DOCK11: variants seen among roughly 807,000 people sequenced by gnomAD.
The protein encoded by DOCK11 is dedicator of cytokinesis 11, also known as dedicator of cytokinesis protein 11.
In DOCK11, 70 loss-of-function variants were observed where a neutral mutation model predicts 169.1. The ratio of observed to expected loss-of-function variants is 0.41; its 90% CI spans 0.34 to 0.51. DOCK11 has a LOEUF of 0.51. DOCK11 is among the 20% of genes least tolerant of loss of function. The pLI is 0.10. For missense variants in DOCK11, 1,166 were observed against 1,538.8 expected (o/e 0.76, Z 4.05); for synonymous variants, 529 against 541.3 (o/e 0.98, Z 0.32).
At chrX:118,545,278 T>A in intron 4 of DOCK11, 45 bp from the exon 5 acceptor site, 1 of 937,244 alleles carries the variant, frequency 1.1e-6, no homozygotes. Flanking sequence ...TTTCTTTTTT[T>A]TTTTGGTCTT....
rs766142611 is a variant in DOCK11, at chrX:118,573,855, G to A, written c.1226G>A (p.Cys409Tyr). The A allele has an allele frequency of 7.4e-6, 9 of 1,208,902 alleles. No homozygotes were observed. The South Asian group carries it at 1.4e-4, about 19-fold the overall frequency. ...NLALFDVKNNCKISADFHVDL... is the reference protein window; with the variant it reads ...NLALFDVKNNYKISADFHVDL... ...GCCTTATTTGATGTAAAGAACAATT[G>A]TAAGATTTCAGCAGACTTTCATGTA... is the stretch of plus-strand genomic sequence containing the variant. The change falls in exon 12 of 53, where the codon TGT becomes TAT. Residue 409 changes from cysteine (C) to tyrosine (Y), a missense_variant. Physicochemically the swap from Cys to Tyr is radical, Grantham distance 194. Coordinates refer to ENST00000276202, the MANE Select transcript of DOCK11 (RefSeq NM_144658.4).
intron 16 of DOCK11, among the ~76,000 whole-genome samples, chrX:118,586,409 A>C (rs954216202): frequency 1.8e-5 from 2 of 110,968 alleles, no homozygotes; most frequent in African/African-American, 6.6e-5. Flanking sequence ...ATAAATAGTG[A>C]ATGAAAGAGG....
At chrX:118,544,923 T>C (rs1317345602) in intron 4 of DOCK11, among the ~76,000 whole-genome samples, 2 of 107,839 alleles carry the variant, frequency 1.9e-5, no homozygotes, top group Non-Finnish European at 3.8e-5. Flanking sequence ...CACCCGCCTC[T>C]GCCTCCCAAA....
At chrX:118,515,518 C>T (rs909367347) in intron 1 of DOCK11, among the ~76,000 whole-genome samples, 2 of 111,310 alleles carry the variant, frequency 1.8e-5, no homozygotes, top group Admixed American at 9.5e-5. Flanking sequence ...TAGATGTGAG[C>T]CACTGCACCC....
At chrX:118,519,759 A>G (rs1421015221) in intron 1 of DOCK11, among the ~76,000 whole-genome samples, 3 of 111,958 alleles carry the variant, frequency 2.7e-5, no homozygotes, top group Non-Finnish European at 3.8e-5. Context: ...TGATTTTTGA[A>G]TGAACTTTAT....
chrX:118,648,606 A>AATATATAATATATAATAC (rs1187837273), intron 40 of DOCK11, among the ~76,000 whole-genome samples: 237 of 97,493 alleles, frequency 2.4e-3, no homozygotes, highest in African/African-American at 9.0e-3. Context: ...ATAATATATT[A>AATATATAATATATAATAC]ATATATAATA....
chrX:118,558,486 A>G (rs1279690934), intron 6 of DOCK11, among the ~76,000 whole-genome samples: 2 of 112,146 alleles, frequency 1.8e-5, no homozygotes, highest in African/African-American at 3.2e-5. Context: ...TAAAAAATAT[A>G]TATAAACTTA....
At chrX:118,595,647 G>A (rs2014139983) in intron 20 of DOCK11, among the ~76,000 whole-genome samples, 1 of 112,201 alleles carries the variant, frequency 8.9e-6, no homozygotes, top group East Asian at 2.8e-4. Context: ...CTAGACAGAA[G>A]TGGACAAGAT....
In DOCK11 at chrX:118,530,248, C is replaced by T. The variant is rs746876665; in HGVS notation, c.103-12477C>T. 2.7e-5 allele frequency among the ~76,000 whole-genome samples: 3 copies of T among 112,942 alleles called. No homozygotes were observed. In the South Asian group the frequency reaches 1.1e-3, roughly 40 times the overall value. ...TTATTTTCCTCAATAGTTTTGTATG[C>T]AACTCTAATGAGTAGTTTTCCATAA... On this transcript the variant is annotated intron_variant, in intron 1 of 52. Coordinates refer to ENST00000276202, the MANE Select transcript of DOCK11 (RefSeq NM_144658.4).
At chrX:118,501,868 A>T (rs920968018) in intron 1 of DOCK11, among the ~76,000 whole-genome samples, 28 of 111,563 alleles carry the variant, frequency 2.5e-4, no homozygotes, top group African/African-American at 8.8e-4. Flanking sequence ...TATTTTAAAA[A>T]TTTTTTGCAG....
chrX:118,572,196 A>T (rs1184503729), intron 10 of DOCK11, 127 bp from the exon 11 acceptor site: 1 of 566,388 alleles, frequency 1.8e-6, no homozygotes, highest in African/African-American at 2.3e-5. Flanking sequence ...TTAGATGAAA[A>T]CATAAAAAGG....
chrX:118,594,762 G>A (rs373815821), intron 20 of DOCK11, among the ~76,000 whole-genome samples: 2 of 111,623 alleles, frequency 1.8e-5, no homozygotes, highest in African/African-American at 6.5e-5. Context: ...TTCAGCTGGT[G>A]GAGAGACGAG....
chrX:118,679,540 C>A (rs1281884543), intron 48 of DOCK11, among the ~76,000 whole-genome samples: 1 of 111,147 alleles, frequency 9.0e-6, no homozygotes, highest in East Asian at 2.8e-4. Flanking sequence ...GAGTTCCAAG[C>A]TAGCCTCAGC....
chrX:118,609,064 C>T (rs1195196601), intron 26 of DOCK11, among the ~76,000 whole-genome samples: 1 of 112,150 alleles, frequency 8.9e-6, no homozygotes, highest in African/African-American at 3.2e-5. Context: ...GACAAAGGTT[C>T]CCATCCTTCC....
intron 20 of DOCK11, among the ~76,000 whole-genome samples, chrX:118,595,730 C>G (rs776737534): frequency 5.8e-4 from 65 of 112,036 alleles, no homozygotes; most frequent in African/African-American, 2.0e-3. Flanking sequence ...TAAGTGGCTT[C>G]CCACCTTTGA....
At chrX:118,558,884 C>T (rs1054087474) in intron 6 of DOCK11, among the ~76,000 whole-genome samples, 18 of 112,017 alleles carry the variant, frequency 1.6e-4, no homozygotes, top group African/African-American at 5.8e-4. Context: ...CAGATCATCT[C>T]GTCTGATGTC....
intron 1 of DOCK11, among the ~76,000 whole-genome samples, chrX:118,532,803 G>A (rs1056310464): frequency 8.2e-5 from 8 of 97,870 alleles, no homozygotes; most frequent in African/African-American, 2.9e-4. Context: ...AAAAAAGAAG[G>A]TGTGCCTGTT....
chrX:118,655,996 A>G (rs2016057834), intron 44 of DOCK11, among the ~76,000 whole-genome samples: 1 of 111,836 alleles, frequency 8.9e-6, no homozygotes. Context: ...ATCTTTTTCT[A>G]AAAAGATTCT....
chrX:118,521,556 T>C (rs1258272028), intron 1 of DOCK11, among the ~76,000 whole-genome samples: 1 of 112,415 alleles, frequency 8.9e-6, no homozygotes, highest in Non-Finnish European at 1.9e-5. Flanking sequence ...ATTCACTACA[T>C]TTTTAGTTGT....
Sources: allele counts gnomAD v4.1 joint callset (sites outside exome capture counted in the v4.1 genomes callset), GRCh38; gene constraint gnomAD v4.1.1; transcripts MANE v1.5; gene names NCBI Gene and HGNC (gene_info 2026-07-23, HGNC 2026-07-21).